FBP2: variants seen among roughly 807,000 people sequenced by gnomAD.
FBP2 encodes the protein fructose-1,6-bisphosphatase isozyme 2.
In FBP2, 27 loss-of-function variants were observed where a neutral mutation model predicts 31.6. That is an observed-to-expected ratio of 0.85 (90% CI 0.63 to 1.18). The LOEUF (loss-of-function observed/expected upper bound fraction) is 1.18, where lower values mean the gene tolerates loss of function less well. Among genes scored for constraint, FBP2 ranks in the 50% most tolerant of loss-of-function variants. The pLI, the probability that FBP2 is intolerant of heterozygous loss-of-function variation, is 0.00. For missense variants in FBP2, 421 were observed against 436.1 expected, an observed-to-expected ratio of 0.97 and a Z score of 0.31; for synonymous variants, 168 against 179.8, an observed-to-expected ratio of 0.93 and a Z score of 0.53.
intron 3 of FBP2, among the ~76,000 whole-genome samples, chr9:94,582,915 C>A (rs2945799): frequency 7.2e-6 from 1 of 138,702 alleles, no homozygotes; most frequent in South Asian, 2.3e-4. Context: ...AGTGCAATGG[C>A]GCAATCTCAG....
intron 1 of FBP2, among the ~76,000 whole-genome samples, chr9:94,591,120 T>G (rs1014542317): frequency 6.6e-6 from 1 of 152,230 alleles, no homozygotes; most frequent in Non-Finnish European, 1.5e-5. Context: ...TGGAGCTGCC[T>G]GCCAGTCCTG....
At chr9:94,566,144 ACTT>A (rs1827186056) in intron 5 of FBP2, among the ~76,000 whole-genome samples, 1 of 152,098 alleles carries the variant, frequency 6.6e-6, no homozygotes, top group South Asian at 2.1e-4. Flanking sequence ...GCTCCTTTTG[ACTT>A]CTTTTTGTTT....
intron 3 of FBP2, among the ~76,000 whole-genome samples, chr9:94,580,268 T>C (rs1827361308): frequency 6.6e-6 from 1 of 152,260 alleles, no homozygotes; most frequent in Non-Finnish European, 1.5e-5. Flanking sequence ...TCTTGCTCTG[T>C]TGCTCAGGCT....
chr9:94,573,498 A>G (rs1361396065), intron 3 of FBP2, among the ~76,000 whole-genome samples: 1 of 145,414 alleles, frequency 6.9e-6, no homozygotes, highest in Non-Finnish European at 1.5e-5. Context: ...GCCTCAAGCA[A>G]TCCTCCTACC....
chr9:94,562,608 C>T (rs1827125562), intron 6 of FBP2, among the ~76,000 whole-genome samples: 2 of 152,106 alleles, frequency 1.3e-5, no homozygotes, highest in South Asian at 2.1e-4. Flanking sequence ...AAAAATGTGT[C>T]GCTGGTTGTT....
chr9:94,584,625 A>G lies in FBP2; in HGVS notation c.378T>C (p.Asn126=). 2.5e-6 allele frequency: 4 copies of G among 1,613,966 alleles called. No homozygotes were observed. Among genetic ancestry groups the G allele is most frequent in the East Asian group, 4.5e-5 (2 of 44,876 alleles). ...VCFDPLDGSS[N]IDCLASIGTI... is the part of the protein sequence containing the mutation. ...TTCCGATGGAGGCCAGGCAGTCAAT[A>G]TTGGAAGATCCATCCAGTGGGTCAA... Residue 126 remains asparagine, a synonymous_variant, in exon 3 of 7, where the codon AAT becomes AAC. Transcript: ENST00000375337.
chr9:94,567,066 T>C (rs890475822), intron 5 of FBP2, among the ~76,000 whole-genome samples: 1 of 152,198 alleles, frequency 6.6e-6, no homozygotes, highest in Non-Finnish European at 1.5e-5. Context: ...AATGTAAAGA[T>C]AAGTACTACC....
chr9:94,582,750 A>G (rs1210217175), intron 3 of FBP2, among the ~76,000 whole-genome samples: 6 of 150,520 alleles, frequency 4.0e-5, no homozygotes, highest in South Asian at 2.1e-4. Context: ...GGGTTTCACC[A>G]TGTTAGCCAG....
chr9:94,567,350 TCTTTC>T lies in FBP2; in HGVS notation c.620_624del (p.Gly207AspfsTer6). 2 of 1,614,166 alleles carry T rather than the reference TCTTTC, an allele frequency of 1.2e-6. No homozygotes were observed. The highest frequency in any genetic ancestry group is 1.7e-6 in the Non-Finnish European group (2 of 1,180,022). On this transcript the variant is annotated frameshift_variant, in exon 5 of 7. Transcript: ENST00000375337. LOFTEE classifies it high-confidence loss of function. The stretch of plus-strand genomic sequence containing the variant: ...GCATAGCCCTCATTCAGGCTGTAAA[TCTTTC>T]CTTTCTTCTTAATCTTGACATCTTT...
intron 6 of FBP2, among the ~76,000 whole-genome samples, chr9:94,559,666 G>T (rs1157774732): frequency 6.6e-6 from 1 of 152,068 alleles, no homozygotes; most frequent in Non-Finnish European, 1.5e-5. Flanking sequence ...TGTTTCAATG[G>T]TCTTGTCTTT....
Position 94,585,266 on chromosome 9 carries a change from T to A in FBP2, c.334-597A>T, listed in dbSNP as rs190882833. Among the ~76,000 whole-genome samples, 209 of 151,648 alleles carry A rather than the reference T, an allele frequency of 1.4e-3. 1 individual carries two copies. Among genetic ancestry groups the A allele is most frequent in the South Asian group, 4.2e-3 (20 of 4,796 alleles). ...AACATCTCTATAATAATCCAATTTT[T>A]TAAAAAAAAATCCAATTTAGCCCAT... On this transcript the variant is annotated intron_variant, in intron 2 of 6. Transcript: ENST00000375337.
At chr9:94,586,800 T>G (rs548661584) in intron 2 of FBP2, 20 of 153,644 alleles carry the variant, frequency 1.3e-4, no homozygotes, top group African/African-American at 4.8e-4. Context: ...CGTGCCTTCC[T>G]TCACCGACTT....
In FBP2 at chr9:94,563,289, A is replaced by G. The variant is rs1328725159; in HGVS notation, c.825+53T>C. The G allele has an allele frequency of 6.3e-6, 10 of 1,589,382 alleles. No individual in the cohort carries two copies. In the East Asian group the frequency reaches 2.0e-4, roughly 32 times the overall value. ...CCAAACAGCAGGTGTGACGGGAGGGAGCTCCCCCACCTCCCTGACCGGATG... is the reference window on the plus strand; with the variant it reads ...CCAAACAGCAGGTGTGACGGGAGGGGGCTCCCCCACCTCCCTGACCGGATG... On this transcript the variant is annotated intron_variant, in intron 6 of 6. Coordinates refer to ENST00000375337, the MANE Select transcript of FBP2 (RefSeq NM_003837.4).
chr9:94,593,502 AC>A (rs910542584), intron 1 of FBP2, 54 bp downstream of exon 1: 36 of 1,524,480 alleles, frequency 2.4e-5, no homozygotes, highest in Non-Finnish European at 7.1e-6. Context: ...CAGCTCCCAC[AC>A]CCCTGCCTGG....
intron 3 of FBP2, among the ~76,000 whole-genome samples, chr9:94,583,504 T>C (rs1827393328): frequency 6.6e-6 from 1 of 152,190 alleles, no homozygotes; most frequent in South Asian, 2.1e-4. Context: ...ATTCCCTATC[T>C]CAAGACTCTG....
At chr9:94,584,395 T>G (rs1051187492) in intron 3 of FBP2, among the ~76,000 whole-genome samples, 182 bp downstream of exon 3, 1 of 152,200 alleles carries the variant, frequency 6.6e-6, no homozygotes, top group Non-Finnish European at 1.5e-5. Context: ...AGAGAAAGAA[T>G]CGCCAATCCA....
chr9:94,587,952 C>T (rs1483828610), intron 1 of FBP2, among the ~76,000 whole-genome samples: 1 of 152,150 alleles, frequency 6.6e-6, no homozygotes, highest in East Asian at 1.9e-4. Flanking sequence ...GGGCTCACGC[C>T]GTTCTCCTGC....
chr9:94,573,907 A>G (rs1300764853), intron 3 of FBP2, among the ~76,000 whole-genome samples: 1 of 152,136 alleles, frequency 6.6e-6, no homozygotes, highest in African/African-American at 2.4e-5. Context: ...AATATTTGTT[A>G]TGTTTTTCCA....
At chr9:94,588,018 T>C (rs1827448261) in intron 1 of FBP2, among the ~76,000 whole-genome samples, 1 of 151,740 alleles carries the variant, frequency 6.6e-6, no homozygotes, top group South Asian at 2.1e-4. Flanking sequence ...CCGGCTAATT[T>C]TTTTCTGTAT....
Sources: gnomAD v4.1 joint callset for allele counts (sites outside exome capture counted in the v4.1 genomes callset) on GRCh38, gnomAD v4.1.1 for gene constraint, MANE v1.5 for transcripts, NCBI Gene and HGNC (gene_info 2026-07-23, HGNC 2026-07-21) for gene names.